The following TRHDE variants were observed in gnomAD, a reference collection of about 807,000 sequenced individuals.
TRHDE encodes the protein thyrotropin releasing hormone degrading enzyme, also known as thyrotropin-releasing hormone-degrading ectoenzyme.
A neutral mutation model predicts 125.7 loss-of-function variants in TRHDE; 72 were observed. That is an observed-to-expected ratio of 0.57 (90% CI 0.47 to 0.70). The LOEUF is 0.70. Ranked by LOEUF, TRHDE falls within the 30% of genes least tolerant of loss-of-function variation. The probability of loss-of-function intolerance (pLI) is 0.00; values close to 1 mark genes in which losing one functional copy is unlikely to be tolerated. For missense variants in TRHDE, 1,110 were observed against 1,327.1 expected (o/e 0.84, Z 2.54); for synonymous variants, 509 against 509.1 (o/e 1.00, Z 0.00).
At chr12:72,207,242 C>T (rs933405918) in intron 2 of TRHDE, among the ~76,000 whole-genome samples, 3 of 152,164 alleles carry the variant, frequency 2.0e-5, no homozygotes, top group African/African-American at 7.2e-5. Flanking sequence ...AGGGCTATTA[C>T]ATAAGGTCCA....
intron 2 of TRHDE, among the ~76,000 whole-genome samples, chr12:72,229,752 T>A (rs1277505527): frequency 2.0e-5 from 3 of 152,098 alleles, no homozygotes; most frequent in Admixed American, 2.0e-4. Flanking sequence ...AATAAAGTTA[T>A]ACATAAAAAA....
At position 72,097,427 on chromosome 12, in the gene TRHDE, ATTTTCTCACTGAATTTT is replaced by A. The variant is rs757428576; in HGVS notation, n.175-8216_175-8200del. ...TAGTCCCTCCTTACCTTGCAGTAGCATTTTCTCACTGAATTTTTTTTTTTTTTTTTTTTTTTTTTTAG... is the reference window on the plus strand; with the variant it reads ...TAGTCCCTCCTTACCTTGCAGTAGCATTTTTTTTTTTTTTTTTTTTTTTAG... On this transcript the variant is annotated intron_variant and non_coding_transcript_variant, in intron 1 of 4. Transcript: ENST00000548156. Among the ~76,000 whole-genome samples, 585 of 124,744 alleles carry A rather than the reference ATTTTCTCACTGAATTTT, an allele frequency of 4.7e-3. 40 individuals carry two copies. Among genetic ancestry groups the A allele is most frequent in the East Asian group, 0.036 (158 of 4,346 alleles). 81.8% of individuals were successfully genotyped at this position (124,744 alleles called of 152,430 possible).
In TRHDE at chr12:72,233,869, A is replaced by C. The variant is rs559703776; in HGVS notation, n.279+128117A>C. ...CCACTTAGAAGATTTTTTTTCAGCC[A>C]ATGCAATACTTGCTTTGTTTTGTCA... On this transcript the variant is annotated intron_variant and non_coding_transcript_variant, in intron 2 of 4. Coordinates refer to the TRHDE transcript ENST00000548156. Among the ~76,000 whole-genome samples, 275 of 152,268 alleles carry C rather than the reference A, an allele frequency of 1.8e-3. 1 individual carries two copies. Among genetic ancestry groups the C allele is most frequent in the Non-Finnish European group, 2.9e-3 (197 of 67,990 alleles).
rs555213081 is a variant in TRHDE, at chr12:72,572,138, C to T, written c.2132-3117C>T. On this transcript the variant is annotated intron_variant, in intron 10 of 18. Transcript: ENST00000261180. ...ATCCTCATTTGATTTTCACAAAATT[C>T]GAGTGAGAAGACCAGTATGTATTAT... 2.6e-5 allele frequency among the ~76,000 whole-genome samples: 4 copies of T among 152,116 alleles called. No homozygotes were observed. The South Asian group carries it at 6.2e-4, about 24-fold the overall frequency.
At chr12:72,375,537 C>G (rs926654954) in intron 2 of TRHDE, among the ~76,000 whole-genome samples, 1 of 152,044 alleles carries the variant, frequency 6.6e-6, no homozygotes, top group Non-Finnish European at 1.5e-5. Context: ...GGGAAGCGTC[C>G]TAAGAGTAAA....
chr12:72,604,281 C>G (rs1055611775), intron 12 of TRHDE, among the ~76,000 whole-genome samples: 1 of 152,020 alleles, frequency 6.6e-6, no homozygotes, highest in Non-Finnish European at 1.5e-5. Flanking sequence ...AGATGAAATT[C>G]TCTTTGAAAT....
At chr12:72,125,036 T>A (rs933521237) in intron 2 of TRHDE, among the ~76,000 whole-genome samples, 1 of 152,216 alleles carries the variant, frequency 6.6e-6, no homozygotes, top group African/African-American at 2.4e-5. Flanking sequence ...ATATGATATA[T>A]CCTTGTTTCC....
chr12:72,523,291 G>A (rs1207810432), intron 6 of TRHDE, among the ~76,000 whole-genome samples: 2 of 151,834 alleles, frequency 1.3e-5, no homozygotes, highest in Non-Finnish European at 2.9e-5. Flanking sequence ...CAGGTATTAG[G>A]GTGTTTATTT....
At chr12:72,402,351 T>C (rs1181237480) in intron 3 of TRHDE, among the ~76,000 whole-genome samples, 1 of 152,220 alleles carries the variant, frequency 6.6e-6, no homozygotes, top group East Asian at 1.9e-4. Flanking sequence ...AAAGCCATCC[T>C]GGGCTGTAGA....
intron 3 of TRHDE, among the ~76,000 whole-genome samples, chr12:72,454,333 G>C (rs528969754): frequency 6.6e-6 from 1 of 152,036 alleles, no homozygotes; most frequent in Non-Finnish European, 1.5e-5. Flanking sequence ...TTTTTAAGCT[G>C]TCTATTTATT....
At position 72,575,472 on chromosome 12, in the gene TRHDE, T is replaced by C. The variant is rs1353077755; in HGVS notation, c.2266-15T>C. The C allele has an allele frequency of 6.2e-7, 1 of 1,613,628 alleles. No homozygotes were observed. The highest frequency in any genetic ancestry group is 1.7e-5 in the Admixed American group (1 of 59,940). On this transcript the variant is annotated splice_polypyrimidine_tract_variant and intron_variant, in intron 11 of 18. Coordinates refer to ENST00000261180, the MANE Select transcript of TRHDE (RefSeq NM_013381.3). ...AATCCTAAATTATCCTATTATTTTT[T>C]CTAATTGGCCTCAGGTTCTTTCTGT...
At chr12:72,414,445 GAAGGAT>G (rs1873645151) in intron 3 of TRHDE, among the ~76,000 whole-genome samples, 1 of 152,044 alleles carries the variant, frequency 6.6e-6, no homozygotes, top group South Asian at 2.1e-4. Flanking sequence ...AATAAAGAAA[GAAGGAT>G]TAAAAAGACA....
At chr12:72,558,122 A>T (rs1790997762) in intron 7 of TRHDE, among the ~76,000 whole-genome samples, 1 of 152,150 alleles carries the variant, frequency 6.6e-6, no homozygotes, top group East Asian at 1.9e-4. Context: ...GGTAAACAAG[A>T]CTGGCAGGAT....
Position 72,180,522 on chromosome 12 carries a change from C to T in TRHDE, n.279+74770C>T, listed in dbSNP as rs543097490. The stretch of plus-strand genomic sequence containing the variant: ...TTTTCTTATATGTTTCTCACCTGGT[C>T]ATTTTAGACCCTTGAGTTTATTATT... On this transcript the variant is annotated intron_variant and non_coding_transcript_variant, in intron 2 of 4. Coordinates refer to the TRHDE transcript ENST00000548156. Among the ~76,000 whole-genome samples, 4 of 152,184 alleles carry T rather than the reference C, an allele frequency of 2.6e-5. No homozygotes were observed. In the South Asian group the frequency reaches 8.3e-4, roughly 32 times the overall value.
chr12:72,482,937 G>T (rs1158417566), intron 5 of TRHDE, among the ~76,000 whole-genome samples: 1 of 144,444 alleles, frequency 6.9e-6, no homozygotes, highest in Non-Finnish European at 1.5e-5. Context: ...CTTCTTTAGA[G>T]AGATGACAGG....
At chr12:72,203,594 T>C (rs889901377) in intron 2 of TRHDE, among the ~76,000 whole-genome samples, 1 of 152,218 alleles carries the variant, frequency 6.6e-6, no homozygotes, top group Admixed American at 6.5e-5. Flanking sequence ...TTTTATGTTA[T>C]TTTATATTTA....
intron 2 of TRHDE, among the ~76,000 whole-genome samples, chr12:72,123,378 A>T (rs972638417): frequency 1.3e-5 from 2 of 152,140 alleles, no homozygotes; most frequent in African/African-American, 4.8e-5. Flanking sequence ...TATTAAAAAT[A>T]ATACATTTTC....
intron 2 of TRHDE, among the ~76,000 whole-genome samples, chr12:72,219,161 A>AT (rs200360805): frequency 0.15 from 21,286 of 146,068 alleles, 1,647 homozygotes; most frequent in South Asian, 0.26. Context: ...TGTTTTGTGT[A>AT]TTTTTTTTTT....
At chr12:72,641,565 T>C (rs1052626190) in intron 15 of TRHDE, among the ~76,000 whole-genome samples, 10 of 152,240 alleles carry the variant, frequency 6.6e-5, no homozygotes, top group African/African-American at 2.4e-4. Flanking sequence ...GCATTCTACT[T>C]TATCTTTGGT....
Sources: allele counts gnomAD v4.1 joint callset (sites outside exome capture counted in the v4.1 genomes callset), GRCh38; gene constraint gnomAD v4.1.1; transcripts MANE v1.5; gene names NCBI Gene and HGNC (gene_info 2026-07-23, HGNC 2026-07-21).